Variants in GPD2 observed in about 807,000 individuals in gnomAD.
The protein encoded by GPD2 is glycerol-3-phosphate dehydrogenase, mitochondrial.
Under a neutral mutation model 82.4 loss-of-function variants are expected in GPD2, and 54 were observed. That is an observed-to-expected ratio of 0.66 (90% CI 0.53 to 0.82). The LOEUF (loss-of-function observed/expected upper bound fraction) is 0.82. GPD2 is among the 40% of genes least tolerant of loss of function. The pLI is 0.00. For synonymous variants in GPD2, 288 were observed against 306.1 expected, an observed-to-expected ratio of 0.94 and a Z score of 0.62; for missense variants, 748 against 896.2, an observed-to-expected ratio of 0.83 and a Z score of 2.11.
chr2:156,495,820 G>A, intron 2 of GPD2: 1 of 525,114 alleles, frequency 1.9e-6, no homozygotes, highest in East Asian at 3.5e-5. Flanking sequence ...CTGAAACCAG[G>A]TGTCCTATGG....
intron 1 of GPD2, among the ~76,000 whole-genome samples, chr2:156,440,609 T>C (rs1198256462): frequency 6.6e-6 from 1 of 152,242 alleles, no homozygotes; most frequent in African/African-American, 2.4e-5. Flanking sequence ...TCGGTGCTCT[T>C]ATTTCCTATT....
intron 13 of GPD2, among the ~76,000 whole-genome samples, chr2:156,574,337 A>G (rs565738943): frequency 5.3e-5 from 8 of 152,268 alleles, no homozygotes; most frequent in Non-Finnish European, 1.2e-4. Context: ...CTTTAGTGCA[A>G]TTGCAATTAG....
intron 16 of GPD2, among the ~76,000 whole-genome samples, chr2:156,581,961 G>GTATA (rs1317537924): frequency 6.6e-6 from 1 of 151,692 alleles, no homozygotes; most frequent in Non-Finnish European, 1.5e-5. Flanking sequence ...GTGTGTGTGT[G>GTATA]TATATATATA....
At chr2:156,481,946 TA>T (rs1211333801) in intron 2 of GPD2, among the ~76,000 whole-genome samples, 4 of 152,198 alleles carry the variant, frequency 2.6e-5, no homozygotes, top group Admixed American at 1.3e-4. Context: ...GTGATTTTCT[TA>T]AATTCTCTCA....
In GPD2 at chr2:156,459,071, T is replaced by C. The variant is rs114176976; in HGVS notation, c.-8-17027T>C. On this transcript the variant is annotated intron_variant, in intron 1 of 16. Coordinates refer to ENST00000438166, the MANE Select transcript of GPD2 (RefSeq NM_000408.5). ...GTTTTATTTACTTTTGTTCTCTTCA[T>C]AATTAATTTTCTACTTGTCCGTTAC... Among the ~76,000 whole-genome samples the C allele has an allele frequency of 8.0e-3, 1,219 of 152,270 alleles. 5 individuals are homozygous for C. Among genetic ancestry groups the C allele is most frequent in the Non-Finnish European group, 0.012 (786 of 68,018 alleles).
intron 2 of GPD2, chr2:156,495,667 C>T (rs1432909450): frequency 2.3e-6 from 1 of 434,342 alleles, no homozygotes; most frequent in Non-Finnish European, 4.7e-6. Context: ...TTTAATATGT[C>T]ATCTGAATGA....
the GPD2 span, among the ~76,000 whole-genome samples, chr2:156,426,913 G>A: frequency 6.6e-6 from 1 of 152,198 alleles, no homozygotes; most frequent in African/African-American, 2.4e-5. Context: ...GGGCTTTCCA[G>A]AGCAGATACT....
chr2:156,496,669 CTATAT>C (rs1684390950), intron 3 of GPD2, among the ~76,000 whole-genome samples: 3 of 151,516 alleles, frequency 2.0e-5, no homozygotes, highest in Non-Finnish European at 4.4e-5. Flanking sequence ...AAAAAGAAAA[CTATAT>C]TTTATGAGTT....
intron 6 of GPD2, among the ~76,000 whole-genome samples, chr2:156,519,558 G>A (rs1468226433): frequency 6.6e-6 from 1 of 152,076 alleles, no homozygotes; most frequent in Non-Finnish European, 1.5e-5. Flanking sequence ...CCTTATTATT[G>A]TGCAACCAAG....
the GPD2 span, among the ~76,000 whole-genome samples, chr2:156,408,006 G>C: frequency 1.7e-4 from 21 of 123,402 alleles, no homozygotes; most frequent in Admixed American, 1.7e-3. Flanking sequence ...CCAGGCTAGA[G>C]TATAGTGGTG....
At chr2:156,502,681 C>T (rs1168798474) in intron 3 of GPD2, among the ~76,000 whole-genome samples, 1 of 152,178 alleles carries the variant, frequency 6.6e-6, no homozygotes, top group East Asian at 1.9e-4. Context: ...CCACCTTGGC[C>T]TCCCAAAGTG....
the GPD2 span, among the ~76,000 whole-genome samples, chr2:156,422,318 G>C: frequency 6.6e-6 from 1 of 152,062 alleles, no homozygotes; most frequent in East Asian, 1.9e-4. Context: ...GAATCAACTG[G>C]ACAAGGAAAC....
chr2:156,553,321 T>C (rs1686835948), intron 8 of GPD2, among the ~76,000 whole-genome samples: 1 of 152,184 alleles, frequency 6.6e-6, no homozygotes, highest in East Asian at 1.9e-4. Context: ...CCAGTAAATA[T>C]TTTTTGAATG....
At chr2:156,505,687 A>G (rs1270798497) in intron 3 of GPD2, among the ~76,000 whole-genome samples, 3 of 152,172 alleles carry the variant, frequency 2.0e-5, no homozygotes, top group African/African-American at 7.2e-5. Context: ...CCTCAAATCC[A>G]TAGTAAGGAG....
intron 1 of GPD2, among the ~76,000 whole-genome samples, chr2:156,474,159 G>A (rs1009228310): frequency 6.6e-6 from 1 of 152,094 alleles, no homozygotes; most frequent in Non-Finnish European, 1.5e-5. Context: ...TAATTAAAAA[G>A]ATAAAGTTTA....
rs781046738 is a variant in GPD2 at position 156,550,616 on chromosome 2, G to A, written c.841G>A (p.Val281Met). Residue 281 changes from valine (V) to methionine (M), a missense_variant, in exon 8 of 17, where the codon GTG becomes ATG. This residue lies in a region of GPD2 where 692 missense variants were observed against 809.7 expected (regional missense o/e 0.85). Coordinates refer to ENST00000438166, the MANE Select transcript of GPD2 (RefSeq NM_000408.5). Reference sequence around the variant, plus strand: ...TTCTTTCACAGGGCAGGAATTTGACGTGAGAGCCAAATGTGTTATCAATGC... The same window carrying A: ...TTCTTTCACAGGGCAGGAATTTGACATGAGAGCCAAATGTGTTATCAATGC... ...KDVLTGQEFDVRAKCVINATG... is the reference protein window; with the variant it reads ...KDVLTGQEFDMRAKCVINATG... The A allele has an allele frequency of 1.2e-5, 20 of 1,613,862 alleles. No homozygotes were observed. Among genetic ancestry groups the A allele is most frequent in the Admixed American group, 1.7e-5 (1 of 60,004 alleles).
intron 6 of GPD2, among the ~76,000 whole-genome samples, chr2:156,526,583 G>C (rs1235684215): frequency 3.8e-5 from 4 of 104,554 alleles, no homozygotes; most frequent in Admixed American, 3.5e-4. Context: ...AAAATTTAGA[G>C]ATAAAGCTAA....
intron 1 of GPD2, among the ~76,000 whole-genome samples, chr2:156,463,469 C>A (rs1415411425): frequency 6.6e-6 from 1 of 152,070 alleles, no homozygotes; most frequent in Admixed American, 6.5e-5. Context: ...TAAGATAATG[C>A]CACATTTAAT....
intron 2 of GPD2, among the ~76,000 whole-genome samples, chr2:156,486,020 G>A (rs1009924341): frequency 3.3e-5 from 5 of 152,134 alleles, no homozygotes; most frequent in South Asian, 2.1e-4. Context: ...AAATTTGTGG[G>A]AATGTGTCTG....
Sources: allele counts gnomAD v4.1 joint callset (sites outside exome capture counted in the v4.1 genomes callset), GRCh38; gene constraint gnomAD v4.1.1; regional missense constraint gnomAD v4.1.1; transcripts MANE v1.5; gene names NCBI Gene and HGNC (gene_info 2026-07-23, HGNC 2026-07-21).